The following TCF3 variants were observed in gnomAD, a reference collection of about 807,000 sequenced individuals.
TCF3 encodes transcription factor E2-alpha.
Under a neutral mutation model 72.3 loss-of-function variants are expected in TCF3, and 54 were observed. That is an observed-to-expected ratio of 0.75 (90% confidence interval 0.60 to 0.94). The LOEUF (loss-of-function observed/expected upper bound fraction) is 0.94. TCF3 is among the 40% of genes least tolerant of loss of function. TCF3 has a pLI of 0.00. For synonymous variants in TCF3, 525 were observed against 412.6 expected (o/e 1.27, Z -3.30); for missense variants, 1,078 against 934.4 (o/e 1.15, Z -2.00).
intron 3 of TCF3, among the ~76,000 whole-genome samples, chr19:1,633,876 C>T (rs917761060): frequency 3.9e-5 from 6 of 152,174 alleles, no homozygotes; most frequent in Non-Finnish European, 7.4e-5. Context: ...GGCACAGCGC[C>T]GGCACCCTCT....
chr19:1,632,155 T>G (rs757989018), intron 4 of TCF3, 39 bp from the exon 5 acceptor site: 2 of 1,600,256 alleles, frequency 1.2e-6, no homozygotes, highest in Non-Finnish European at 1.7e-6. Context: ...TGCTGGGGCT[T>G]CACAGGCCCC....
At chr19:1,630,889 C>T (rs1014047106) in intron 5 of TCF3, among the ~76,000 whole-genome samples, 48 of 152,298 alleles carry the variant, frequency 3.2e-4, no homozygotes, top group African/African-American at 1.1e-3. Flanking sequence ...ATGTGAAGCT[C>T]GGGGCATTTC....
intron 3 of TCF3, among the ~76,000 whole-genome samples, chr19:1,638,305 G>A (rs543411143): frequency 1.3e-5 from 2 of 152,188 alleles, no homozygotes; most frequent in Non-Finnish European, 2.9e-5. Context: ...ACTATTTAAT[G>A]ATACAAATGT....
intron 1 of TCF3, chr19:1,650,513 G>A: frequency 7.0e-6 from 3 of 428,858 alleles, no homozygotes; most frequent in Non-Finnish European, 8.3e-6. Flanking sequence ...GAGACCACAG[G>A]GAGTCTGAAA....
intron 5 of TCF3, 98 bp from the exon 6 acceptor site, chr19:1,627,524 G>C: frequency 3.7e-6 from 4 of 1,095,718 alleles, no homozygotes; most frequent in Non-Finnish European, 5.5e-6. Context: ...CTCTCAGTAA[G>C]TGCACACGAC....
At chr19:1,631,985 C>T in intron 5 of TCF3, 53 bp downstream of exon 5, 2 of 1,591,242 alleles carry the variant, frequency 1.3e-6, no homozygotes. Flanking sequence ...TGCCAAGGCC[C>T]ACGTCTGCAC....
Position 1,615,623 on chromosome 19 carries a change from G to C in TCF3, c.1586+63C>G. 6.2e-7 allele frequency: 1 copy of C among 1,611,018 alleles called. No individual in the cohort carries two copies. On this transcript the variant is annotated intron_variant, in intron 17 of 18. Coordinates refer to ENST00000262965, the MANE Select transcript of TCF3 (RefSeq NM_003200.5). The surrounding 1 kb of genome is among the most constrained non-coding windows in gnomAD (Gnocchi z 7.3). ...CCCAGTGTGGGTGCGGTGTGCGTGT[G>C]GCCTGTGCACATGTGCGTCCTGATG...
At chr19:1,623,676 A>G (rs1486244424) in intron 8 of TCF3, among the ~76,000 whole-genome samples, 1 of 151,888 alleles carries the variant, frequency 6.6e-6, no homozygotes, top group Non-Finnish European at 1.5e-5. Context: ...GAGCCACCAC[A>G]CCCAGCACAA....
intron 3 of TCF3, among the ~76,000 whole-genome samples, chr19:1,636,523 T>C (rs2064431265): frequency 6.6e-6 from 1 of 152,196 alleles, no homozygotes; most frequent in African/African-American, 2.4e-5. Flanking sequence ...GGTCTCAAAC[T>C]CCTGGACTCA....
Position 1,615,205 on chromosome 19 carries a change from G to A in TCF3, c.1822+80C>T, listed in dbSNP as rs1003156495. ...GAGGGAGGGCTGGCTCCAGGAAGGC[G>A]GGCGGGGAAGGAGAACGAGGGCAGG... On this transcript the variant is annotated intron_variant, in intron 18 of 18. Coordinates refer to ENST00000262965, the MANE Select transcript of TCF3 (RefSeq NM_003200.5). This position sits in a 1 kb window ranked among gnomAD's most constrained non-coding sequence, Gnocchi z 7.3. The A allele has an allele frequency of 1.4e-5, 21 of 1,481,354 alleles. No individual in the cohort carries two copies. The East Asian group carries it at 2.8e-4, about 20-fold the overall frequency. 91.8% of individuals were successfully genotyped at this position (1,481,354 alleles called of 1,614,324 possible). A position where few individuals can be genotyped will look rare whatever the true frequency, so the allele number is the denominator to read the frequency against.
At position 1,610,353 on chromosome 19, in the gene TCF3, G is replaced by C. The variant is rs1010594274; in HGVS notation, c.*1354C>G. 4.3e-6 allele frequency: 1 copy of C among 231,688 alleles called. No homozygotes were observed. The highest frequency in any genetic ancestry group is 8.5e-6 in the Non-Finnish European group (1 of 117,224). The allele number at this position is 231,688 out of a possible 1,614,324, so 14.4% of individuals were successfully genotyped here. ...GCCCAGGGATGCTCCCCAGCATTGG[G>C]GGAGGCTGGCCAGGCCCCTGGCATC... On this transcript the variant is annotated 3_prime_UTR_variant, in exon 19 of 19. Transcript: ENST00000262965.
chr19:1,631,867 T>C lies in TCF3; in HGVS notation c.298+171A>G, dbSNP rs937181607. On this transcript the variant is annotated intron_variant, in intron 5 of 18. Coordinates refer to ENST00000262965, the MANE Select transcript of TCF3 (RefSeq NM_003200.5). The stretch of plus-strand genomic sequence containing the variant: ...GCCGTGCCAGGGAGTCCGGGCCACG[T>C]CCCCTGCACCTCCCCGCAGCTGCTC... The C allele has an allele frequency of 1.4e-5, 21 of 1,500,786 alleles. No homozygotes were observed. The African/African-American group carries it at 2.6e-4, about 19-fold the overall frequency. 93.0% of individuals were successfully genotyped at this position (1,500,786 alleles called of 1,614,324 possible). A position where few individuals can be genotyped will look rare whatever the true frequency, so the allele number is the denominator to read the frequency against.
Position 1,609,315 on chromosome 19 carries a change from T to C in TCF3, c.*2392A>G, listed in dbSNP as rs1007747345. 3 of 184,486 alleles carry C rather than the reference T, an allele frequency of 1.6e-5. No individual in the cohort carries two copies. The highest frequency in any genetic ancestry group is 3.5e-5 in the Non-Finnish European group (3 of 86,918). 11.4% of individuals were successfully genotyped at this position (184,486 alleles called of 1,614,324 possible). On this transcript the variant is annotated 3_prime_UTR_variant, in exon 19 of 19. Coordinates refer to ENST00000262965, the MANE Select transcript of TCF3 (RefSeq NM_003200.5). ...GCATCGTTATAAAATGTCACGTTTA[T>C]TGCTACAGTGCTGTTATATACAGGA...
rs1202526906 is a variant in TCF3, at chr19:1,615,789, T to C, written c.1483A>G (p.Ser495Gly). ...TCCTTCTCCTCCCGCTTGATCTCGC[T>C]GGCGGCCGCCGTGGCACCTGCTCGC... ...LGRAGATAAA[S>G]EIKREEKEDE... The change falls in exon 17 of 19, where the codon AGC becomes GGC. Residue 495 changes from serine to glycine, a missense_variant. Coordinates refer to ENST00000262965, the MANE Select transcript of TCF3 (RefSeq NM_003200.5). The surrounding 1 kb of genome is among the most constrained non-coding windows in gnomAD (Gnocchi z 7.3). 5 of 1,580,848 alleles carry C rather than the reference T, an allele frequency of 3.2e-6. No individual in the cohort carries two copies. The highest frequency in any genetic ancestry group is 1.3e-5 in the African/African-American group (1 of 74,394).
Position 1,609,568 on chromosome 19 carries a change from C to A in TCF3, c.*2139G>T, listed in dbSNP as rs1209560198. The A allele has an allele frequency of 9.1e-6, 2 of 220,124 alleles. No individual in the cohort carries two copies. Among genetic ancestry groups the A allele is most frequent in the East Asian group, 1.3e-4 (2 of 15,090 alleles). 13.6% of individuals were successfully genotyped at this position (220,124 alleles called of 1,614,324 possible). A position where few individuals can be genotyped will look rare whatever the true frequency, so the allele number is the denominator to read the frequency against. ...TGAATTCTATGCAGAACGCACAGTTCCAGAGGCTATGGGGCCACTGCCCAC... is the reference window on the plus strand; with the variant it reads ...TGAATTCTATGCAGAACGCACAGTTACAGAGGCTATGGGGCCACTGCCCAC... On this transcript the variant is annotated 3_prime_UTR_variant, in exon 19 of 19. Coordinates refer to ENST00000262965, the MANE Select transcript of TCF3 (RefSeq NM_003200.5).
chr19:1,649,158 C>T (rs1217906961), intron 2 of TCF3, among the ~76,000 whole-genome samples: 2 of 152,236 alleles, frequency 1.3e-5, no homozygotes, highest in African/African-American at 4.8e-5. Context: ...GCCTGCTCCG[C>T]AGTGATAACC....
At position 1,652,115 on chromosome 19, in the gene TCF3, G is replaced by T. The variant is rs1006720708; in HGVS notation, c.-40+185C>A. On this transcript the variant is annotated intron_variant, in intron 1 of 18. Transcript: ENST00000262965. ...GAGCTCCGGGCTCCTCCACGTCGCC[G>T]CCCCCCCGGCGCCGCGCGAAGTTGG... Among the ~76,000 whole-genome samples the T allele has an allele frequency of 8.8e-5, 13 of 147,232 alleles. 1 individual carries two copies. The highest frequency in any genetic ancestry group is 6.2e-4 in the East Asian group (3 of 4,860).
At chr19:1,622,719 G>C (rs2062399366) in intron 8 of TCF3, among the ~76,000 whole-genome samples, 1 of 152,044 alleles carries the variant, frequency 6.6e-6, no homozygotes, top group African/African-American at 2.4e-5. Flanking sequence ...CCTTAATCCA[G>C]AAAACTCCTA....
intron 16 of TCF3, 23 bp downstream of exon 16, chr19:1,619,088 C>T (rs766529608): frequency 6.3e-7 from 1 of 1,598,966 alleles, no homozygotes; most frequent in East Asian, 2.2e-5. Context: ...AGGAGTCGGA[C>T]AGTCCCAAGC....
Sources: gnomAD v4.1 joint callset for allele counts (sites outside exome capture counted in the v4.1 genomes callset) on GRCh38, gnomAD v4.1.1 for gene constraint, Gnocchi (gnomAD v3.1) non-coding constraint, MANE v1.5 for transcripts, NCBI Gene and HGNC (gene_info 2026-07-23, HGNC 2026-07-21) for gene names.